Variants in SLC35F1 observed in about 807,000 individuals in gnomAD.
The protein encoded by SLC35F1 is chromosome 6 open reading frame 169.
In SLC35F1, 14 loss-of-function variants were observed where a neutral mutation model predicts 48.7. The ratio of observed to expected loss-of-function variants is 0.29; its 90% CI spans 0.19 to 0.45. SLC35F1 has a LOEUF of 0.45. Among genes scored for constraint, SLC35F1 ranks in the 20% least tolerant of loss-of-function variants. The probability of loss-of-function intolerance (pLI) is 1.00; values close to 1 mark genes in which losing one functional copy is unlikely to be tolerated. For missense variants in SLC35F1, 404 were observed against 500.0 expected (o/e 0.81, Z 1.83); for synonymous variants, 190 against 202.2 (o/e 0.94, Z 0.51).
chr6:118,310,878 G>C (rs1455994524), intron 7 of SLC35F1, among the ~76,000 whole-genome samples: 1 of 152,188 alleles, frequency 6.6e-6, no homozygotes, highest in Non-Finnish European at 1.5e-5. Context: ...CCTTTAAGCA[G>C]TACATTACAA....
At chr6:118,032,017 G>A (rs1448663990) in intron 1 of SLC35F1, among the ~76,000 whole-genome samples, 1 of 152,114 alleles carries the variant, frequency 6.6e-6, no homozygotes, top group Non-Finnish European at 1.5e-5. Context: ...CCTCACTAGT[G>A]TAAATATAAA....
intron 1 of SLC35F1, among the ~76,000 whole-genome samples, chr6:117,987,464 T>G (rs905698160): frequency 2.0e-5 from 3 of 151,910 alleles, no homozygotes; most frequent in African/African-American, 7.3e-5. Flanking sequence ...TCTCCTTTTC[T>G]TATCCTCTTT....
chr6:118,247,342 T>C (rs549850031), intron 3 of SLC35F1, among the ~76,000 whole-genome samples: 3 of 152,210 alleles, frequency 2.0e-5, no homozygotes, highest in East Asian at 1.9e-4. Context: ...CTCATAAAGA[T>C]TAATGACGCT....
intron 3 of SLC35F1, among the ~76,000 whole-genome samples, chr6:118,238,930 C>A (rs927818533): frequency 5.9e-5 from 9 of 151,922 alleles, no homozygotes; most frequent in African/African-American, 2.2e-4. Context: ...GGGATCAACG[C>A]CATCCGGTCA....
intron 1 of SLC35F1, among the ~76,000 whole-genome samples, chr6:118,149,277 C>A (rs1774020128): frequency 6.6e-6 from 1 of 152,058 alleles, no homozygotes. Flanking sequence ...CACAGATCTA[C>A]CATAGCAGTT....
chr6:118,077,525 A>G (rs2114313065), intron 1 of SLC35F1, among the ~76,000 whole-genome samples: 1 of 152,348 alleles, frequency 6.6e-6, no homozygotes, highest in Non-Finnish European at 1.5e-5. Flanking sequence ...TTTTTTAAAG[A>G]CACATTTTTG....
chr6:118,004,388 A>G (rs1777146636), intron 1 of SLC35F1, among the ~76,000 whole-genome samples: 2 of 152,166 alleles, frequency 1.3e-5, no homozygotes, highest in Admixed American at 6.6e-5. Context: ...TGAAAGTGCT[A>G]AGTTAAATTG....
Position 118,223,787 on chromosome 6 carries a change from C to G in SLC35F1, c.350-11722C>G, listed in dbSNP as rs187322080. On this transcript the variant is annotated intron_variant, in intron 2 of 7. Coordinates refer to ENST00000360388, the MANE Select transcript of SLC35F1 (RefSeq NM_001029858.4). ...ACCTATGTGTCCACCATGACAGATGCTCTCATGTCAGAGCTCAAGGTCAGC... is the reference window on the plus strand; with the variant it reads ...ACCTATGTGTCCACCATGACAGATGGTCTCATGTCAGAGCTCAAGGTCAGC... 6.5e-3 allele frequency among the ~76,000 whole-genome samples: 988 copies of G among 152,286 alleles called. 5 individuals carry two copies. The highest frequency in any genetic ancestry group is 0.011 in the Non-Finnish European group (731 of 68,016).
intron 1 of SLC35F1, among the ~76,000 whole-genome samples, chr6:117,928,316 A>G (rs1371452580): frequency 6.6e-6 from 1 of 152,168 alleles, no homozygotes; most frequent in African/African-American, 2.4e-5. Flanking sequence ...ATCACTAGAG[A>G]TAATGTGTTG....
chr6:117,992,155 T>A (rs1164446470), intron 1 of SLC35F1, among the ~76,000 whole-genome samples: 1 of 152,108 alleles, frequency 6.6e-6, no homozygotes, highest in African/African-American at 2.4e-5. Flanking sequence ...TTTACAAAAA[T>A]TTTTTTCTTT....
Position 118,314,437 on chromosome 6 carries a change from C to A in SLC35F1, c.*185C>A, listed in dbSNP as rs1300482547. 2 of 605,886 alleles carry A rather than the reference C, an allele frequency of 3.3e-6. No individual in the cohort carries two copies. Among genetic ancestry groups the A allele is most frequent in the Admixed American group, 5.8e-5 (2 of 34,558 alleles). 37.5% of individuals were successfully genotyped at this position (605,886 alleles called of 1,614,324 possible). ...CATCACTGGAGACACAGGCTCTAAT[C>A]CACCTGACTTGGAAGGATGCCTAGC... On this transcript the variant is annotated 3_prime_UTR_variant, in exon 8 of 8. Coordinates refer to ENST00000360388, the MANE Select transcript of SLC35F1 (RefSeq NM_001029858.4).
At chr6:117,979,448 A>G (rs561427148) in intron 1 of SLC35F1, among the ~76,000 whole-genome samples, 12 of 152,300 alleles carry the variant, frequency 7.9e-5, no homozygotes, top group Non-Finnish European at 1.3e-4. Context: ...TTGCCTCACG[A>G]TGTTTTTCCT....
At chr6:118,174,528 A>G (rs1774457390) in intron 2 of SLC35F1, among the ~76,000 whole-genome samples, 1 of 152,156 alleles carries the variant, frequency 6.6e-6, no homozygotes, top group African/African-American at 2.4e-5. Context: ...AGAGGAAGAA[A>G]AACAGAATGG....
At chr6:118,112,082 C>CTTTATTTTCTTTTCTTTTCT (rs1169093414) in intron 1 of SLC35F1, among the ~76,000 whole-genome samples, 29 of 131,734 alleles carry the variant, frequency 2.2e-4, no homozygotes, top group African/African-American at 8.0e-4. Flanking sequence ...TTCTTTATTT[C>CTTTATTTTCTTTTCTTTTCT]TTTCTTTTCT....
chr6:118,073,262 G>T (rs1277933807), intron 1 of SLC35F1, among the ~76,000 whole-genome samples: 2 of 152,196 alleles, frequency 1.3e-5, no homozygotes, highest in African/African-American at 4.8e-5. Context: ...ATAGCCGAAT[G>T]GTTAAGAGTT....
chr6:118,031,696 A>G (rs1216715501), intron 1 of SLC35F1, among the ~76,000 whole-genome samples: 2 of 152,218 alleles, frequency 1.3e-5, no homozygotes, highest in Non-Finnish European at 2.9e-5. Context: ...GGGCAACCCC[A>G]TAGGGAGTGT....
intron 1 of SLC35F1, among the ~76,000 whole-genome samples, chr6:118,016,451 G>A (rs1391350634): frequency 6.6e-6 from 1 of 152,184 alleles, no homozygotes; most frequent in African/African-American, 2.4e-5. Flanking sequence ...TCTGAATTCT[G>A]TAAGCACTTT....
chr6:118,192,833 T>G (rs1774749903), intron 2 of SLC35F1, among the ~76,000 whole-genome samples: 1 of 152,156 alleles, frequency 6.6e-6, no homozygotes, highest in African/African-American at 2.4e-5. Context: ...CTGCAGCATC[T>G]CAAAGTTAGA....
At chr6:118,033,972 A>C (rs1318335072) in intron 1 of SLC35F1, among the ~76,000 whole-genome samples, 1 of 152,236 alleles carries the variant, frequency 6.6e-6, no homozygotes, top group Non-Finnish European at 1.5e-5. Context: ...TCAATCAATT[A>C]GTTAACAGGA....
Sources: allele counts gnomAD v4.1 joint callset (sites outside exome capture counted in the v4.1 genomes callset), GRCh38; gene constraint gnomAD v4.1.1; transcripts MANE v1.5; gene names NCBI Gene and HGNC (gene_info 2026-07-23, HGNC 2026-07-21).